Variants in KCNB2 observed in about 807,000 individuals in gnomAD.
The protein encoded by KCNB2 is delayed rectifier potassium channel protein.
In KCNB2, 15 loss-of-function variants were observed where a neutral mutation model predicts 61.5. The observed-to-expected ratio is 0.24, with a 90% CI of 0.16 to 0.38. The LOEUF is 0.38. KCNB2 is among the 10% of genes least tolerant of loss of function. The probability of loss-of-function intolerance (pLI) is 1.00; values close to 1 mark genes in which losing one functional copy is unlikely to be tolerated. For synonymous variants in KCNB2, 457 were observed against 446.0 expected, an observed-to-expected ratio of 1.02 and a Z score of -0.31; for missense variants, 828 against 1,125.2, an observed-to-expected ratio of 0.74 and a Z score of 3.78.
At chr8:72,850,214 T>TAGATAGA in intron 2 of KCNB2, among the ~76,000 whole-genome samples, 1 of 22,472 alleles carries the variant, frequency 4.4e-5, no homozygotes, top group South Asian at 1.9e-3. Flanking sequence ...TGTGTGTGTG[T>TAGATAGA]GTGTGTATGT....
At chr8:72,837,478 C>T (rs1809801098) in intron 2 of KCNB2, among the ~76,000 whole-genome samples, 1 of 152,174 alleles carries the variant, frequency 6.6e-6, no homozygotes, top group Admixed American at 6.5e-5. Flanking sequence ...TAGACAGGCA[C>T]CATCCTTAGT....
intron 2 of KCNB2, among the ~76,000 whole-genome samples, chr8:72,622,026 T>C (rs1462676230): frequency 6.6e-6 from 1 of 152,218 alleles, no homozygotes; most frequent in Non-Finnish European, 1.5e-5. Context: ...GTATTATCTA[T>C]AATCAATTTT....
chr8:72,540,865 C>T (rs1806179422), intron 1 of KCNB2, among the ~76,000 whole-genome samples: 1 of 151,914 alleles, frequency 6.6e-6, no homozygotes, highest in African/African-American at 2.4e-5. Flanking sequence ...TGTCCCATAG[C>T]CACTCATTGA....
intron 2 of KCNB2, among the ~76,000 whole-genome samples, chr8:72,701,027 G>A (rs1393373207): frequency 6.6e-6 from 1 of 152,020 alleles, no homozygotes; most frequent in Admixed American, 6.6e-5. Flanking sequence ...TAAACATTTG[G>A]GTACCCATGA....
chr8:72,724,718 T>C (rs540333791), intron 2 of KCNB2, among the ~76,000 whole-genome samples: 6 of 152,216 alleles, frequency 3.9e-5, no homozygotes, highest in Non-Finnish European at 7.3e-5. Flanking sequence ...AAGTTAACGA[T>C]GCATCCTGTA....
intron 1 of KCNB2, among the ~76,000 whole-genome samples, chr8:72,554,799 T>C (rs569620792): frequency 8.5e-5 from 13 of 152,096 alleles, no homozygotes; most frequent in Non-Finnish European, 1.5e-4. Flanking sequence ...CTAAAACTTA[T>C]GTTTAGTTTT....
intron 2 of KCNB2, among the ~76,000 whole-genome samples, chr8:72,893,990 C>T (rs7822651): frequency 0.45 from 68,530 of 152,000 alleles, 16,459 homozygotes; most frequent in South Asian, 0.6. Context: ...GCACAGAGGA[C>T]ACAACAGTGA....
At chr8:72,579,916 A>G (rs1049264948) in intron 2 of KCNB2, among the ~76,000 whole-genome samples, 1 of 152,248 alleles carries the variant, frequency 6.6e-6, no homozygotes, top group Admixed American at 6.5e-5. Flanking sequence ...GTCCAGGGTC[A>G]TGAAGTGAAA....
chr8:72,896,998 C>G (rs1329120240), intron 2 of KCNB2, among the ~76,000 whole-genome samples: 2 of 152,108 alleles, frequency 1.3e-5, no homozygotes, highest in Non-Finnish European at 2.9e-5. Context: ...AAAATACAGA[C>G]TAGGGTTGTG....
intron 2 of KCNB2, among the ~76,000 whole-genome samples, chr8:72,591,782 A>G (rs1264026576): frequency 6.6e-6 from 1 of 152,088 alleles, no homozygotes; most frequent in Non-Finnish European, 1.5e-5. Context: ...GATCCTGTGT[A>G]CGTAGCATGG....
intron 2 of KCNB2, among the ~76,000 whole-genome samples, chr8:72,683,579 CT>C (rs2128989328): frequency 6.6e-6 from 1 of 152,298 alleles, no homozygotes; most frequent in South Asian, 2.1e-4. Flanking sequence ...GAAGGAGCTT[CT>C]GATTGGCCTG....
chr8:72,595,483 G>A (rs1211772667), intron 2 of KCNB2, among the ~76,000 whole-genome samples: 3 of 151,628 alleles, frequency 2.0e-5, no homozygotes, highest in Non-Finnish European at 2.9e-5. Flanking sequence ...GTGCCACCAC[G>A]CCCAGCTAAT....
At chr8:72,700,406 GA>G (rs1807098979) in intron 2 of KCNB2, among the ~76,000 whole-genome samples, 1 of 151,888 alleles carries the variant, frequency 6.6e-6, no homozygotes, top group Admixed American at 6.6e-5. Flanking sequence ...TAAAAGACAT[GA>G]ACACACACTT....
chr8:72,843,766 T>G (rs552316296), intron 2 of KCNB2, among the ~76,000 whole-genome samples: 2 of 152,034 alleles, frequency 1.3e-5, no homozygotes, highest in Non-Finnish European at 2.9e-5. Flanking sequence ...AACCCCTGCT[T>G]TTTTTTGCTT....
chr8:72,830,862 C>T (rs1001340271), intron 2 of KCNB2, among the ~76,000 whole-genome samples: 2 of 152,200 alleles, frequency 1.3e-5, no homozygotes, highest in Non-Finnish European at 2.9e-5. Context: ...GAGGCTCATG[C>T]CTGATCATTT....
chr8:72,597,956 G>A (rs1935050537), intron 2 of KCNB2, among the ~76,000 whole-genome samples: 2 of 152,058 alleles, frequency 1.3e-5, no homozygotes, highest in South Asian at 2.1e-4. Context: ...AATACCATTC[G>A]ACCCAGCAAT....
intron 2 of KCNB2, among the ~76,000 whole-genome samples, chr8:72,912,404 A>G (rs114419802): frequency 6.6e-6 from 1 of 151,894 alleles, no homozygotes; most frequent in African/African-American, 2.4e-5. Flanking sequence ...CCTTTATGAG[A>G]CAAGTCACAA....
intron 2 of KCNB2, among the ~76,000 whole-genome samples, chr8:72,725,565 G>GTATGTATA (rs1563571961): frequency 6.7e-4 from 32 of 47,968 alleles, no homozygotes; most frequent in Non-Finnish European, 9.4e-4. Flanking sequence ...ATGTATATAT[G>GTATGTATA]TATATATATG....
At chr8:72,758,797 A>G (rs1808333926) in intron 2 of KCNB2, among the ~76,000 whole-genome samples, 1 of 152,192 alleles carries the variant, frequency 6.6e-6, no homozygotes, top group Non-Finnish European at 1.5e-5. Context: ...AGGGCCCACA[A>G]TTCTATATTT....
Sources: allele counts gnomAD v4.1 joint callset (sites outside exome capture counted in the v4.1 genomes callset), GRCh38; gene constraint gnomAD v4.1.1; transcripts MANE v1.5; gene names NCBI Gene and HGNC (gene_info 2026-07-23, HGNC 2026-07-21).